ASIC2: variants seen among roughly 807,000 people sequenced by gnomAD.
ASIC2 encodes acid-sensing ion channel 2.
ASIC2 carries 25 observed loss-of-function variants against 57.3 expected under a neutral mutation model. The observed-to-expected ratio is 0.44, with a 90% confidence interval of 0.32 to 0.61. The LOEUF (loss-of-function observed/expected upper bound fraction) is 0.61, where lower values mean the gene tolerates loss of function less well. Among genes scored for constraint, ASIC2 ranks in the 20% least tolerant of loss-of-function variants. ASIC2 has a pLI of 0.06. For missense variants in ASIC2, 641 were observed against 738.1 expected, an observed-to-expected ratio of 0.87 and a Z score of 1.52; for synonymous variants, 319 against 307.5, an observed-to-expected ratio of 1.04 and a Z score of -0.39.
rs59769747 is a variant in ASIC2 at position 33,053,318 on chromosome 17, T to G, written c.988-24926A>C. On this transcript the variant is annotated intron_variant, in intron 3 of 9. Coordinates refer to ENST00000225823, the MANE Select transcript of ASIC2 (RefSeq NM_183377.2). The stretch of plus-strand genomic sequence containing the variant: ...CAATTCACCTCTGATATCTGTTGTA[T>G]GGGAATTTAGCTTATAACTTGAAGA... Among the ~76,000 whole-genome samples, 1,060 of 152,348 alleles carry G rather than the reference T, an allele frequency of 7.0e-3. 16 individuals carry two copies. The highest frequency in any genetic ancestry group is 0.025 in the African/African-American group (1,027 of 41,584).
intron 1 of ASIC2, among the ~76,000 whole-genome samples, chr17:33,426,133 T>C (rs1911212572): frequency 6.6e-6 from 1 of 152,098 alleles, no homozygotes; most frequent in Non-Finnish European, 1.5e-5. Context: ...TTTGTTTTTG[T>C]TGTTGTTGTT....
At chr17:33,379,833 G>T (rs937480247) in intron 1 of ASIC2, among the ~76,000 whole-genome samples, 1 of 152,204 alleles carries the variant, frequency 6.6e-6, no homozygotes, top group Non-Finnish European at 1.5e-5. Context: ...AACAAACCAA[G>T]CTCACTCTAT....
chr17:33,273,669 C>T lies in ASIC2; in HGVS notation c.708+17739G>A, dbSNP rs748497721. 4.6e-5 allele frequency among the ~76,000 whole-genome samples: 7 copies of T among 152,214 alleles called. No homozygotes were observed. The South Asian group carries it at 6.2e-4, about 14-fold the overall frequency. On this transcript the variant is annotated intron_variant, in intron 1 of 9. Transcript: ENST00000225823. ...CAGAAGCCATCCTCTCAATTCATTT[C>T]GCCCTCACAACTGCAAATACCACCA...
intron 1 of ASIC2, among the ~76,000 whole-genome samples, chr17:33,457,581 T>A (rs1456726229): frequency 2.0e-5 from 3 of 152,274 alleles, no homozygotes; most frequent in Admixed American, 2.0e-4. Context: ...CCCTGCCCTC[T>A]AGGAGTTTAG....
intron 1 of ASIC2, among the ~76,000 whole-genome samples, chr17:33,184,975 C>G (rs1567776926): frequency 6.6e-6 from 1 of 152,140 alleles, no homozygotes; most frequent in Non-Finnish European, 1.5e-5. Flanking sequence ...GTAATCAACC[C>G]TATCACTCCT....
chr17:33,829,571 A>C (rs1913041971), intron 1 of ASIC2, among the ~76,000 whole-genome samples: 1 of 150,584 alleles, frequency 6.6e-6, no homozygotes. Flanking sequence ...ACATTATGTT[A>C]AACTTTTCTT....
intron 1 of ASIC2, among the ~76,000 whole-genome samples, chr17:34,030,808 A>C (rs950000435): frequency 6.6e-6 from 1 of 152,126 alleles, no homozygotes; most frequent in African/African-American, 2.4e-5. Flanking sequence ...AGGCTGGGGG[A>C]GGGGCACCCG....
intron 1 of ASIC2, among the ~76,000 whole-genome samples, chr17:33,127,462 C>A (rs1023316561): frequency 2.6e-5 from 4 of 152,110 alleles, no homozygotes; most frequent in Admixed American, 6.5e-5. Flanking sequence ...TCTTGAGTAC[C>A]AATTCCGTCC....
chr17:34,130,393 C>T (rs116342655), intron 1 of ASIC2, among the ~76,000 whole-genome samples: 4 of 152,270 alleles, frequency 2.6e-5, no homozygotes, highest in Non-Finnish European at 4.4e-5. Flanking sequence ...ATTTTGAATC[C>T]GTATAAATGG....
At chr17:33,192,759 A>G (rs1386914881) in intron 1 of ASIC2, among the ~76,000 whole-genome samples, 2 of 152,230 alleles carry the variant, frequency 1.3e-5, no homozygotes, top group African/African-American at 4.8e-5. Context: ...GCAATTTCTC[A>G]TAAGTACCCA....
In ASIC2 at chr17:33,015,964, C is replaced by T. The variant is rs1214082601; in HGVS notation, c.1590+7G>A. On this transcript the variant is annotated splice_region_variant and intron_variant, in intron 9 of 9. Transcript: ENST00000225823. ...AGAACAACTTCCAATCAGTGAGCTG[C>T]TCTTACCACATTCTCATCGTGGCTC... 6.2e-7 allele frequency: 1 copy of T among 1,614,094 alleles called. No individual in the cohort carries two copies. The highest frequency in any genetic ancestry group is 2.2e-5 in the East Asian group (1 of 44,890).
chr17:33,216,183 T>G (rs867640138), intron 1 of ASIC2, among the ~76,000 whole-genome samples: 1 of 152,226 alleles, frequency 6.6e-6, no homozygotes. Flanking sequence ...GACCATTGAT[T>G]GGCAGTAGTT....
rs143893564 is a variant in ASIC2, at chr17:33,803,458, G to C, written c.555+352520C>G. Among the ~76,000 whole-genome samples the C allele has an allele frequency of 1.9e-3, 285 of 152,210 alleles. 7 individuals are homozygous for C. In the East Asian group the frequency reaches 0.043, roughly 23 times the overall value. Reference sequence around the variant, plus strand: ...ATAATAAATGGCAAGAGAACCCTAAGAGTGTACCCCAGGGCATGGCAGTTC... The same window carrying C: ...ATAATAAATGGCAAGAGAACCCTAACAGTGTACCCCAGGGCATGGCAGTTC... On this transcript the variant is annotated intron_variant, in intron 1 of 9. Coordinates refer to the ASIC2 transcript ENST00000359872.
At chr17:33,192,569 C>A (rs927142918) in intron 1 of ASIC2, among the ~76,000 whole-genome samples, 1 of 152,218 alleles carries the variant, frequency 6.6e-6, no homozygotes, top group African/African-American at 2.4e-5. Flanking sequence ...GGTGTGGCTG[C>A]TCTAAGATCC....
At chr17:34,010,770 C>T (rs1238043403) in intron 1 of ASIC2, among the ~76,000 whole-genome samples, 1 of 151,682 alleles carries the variant, frequency 6.6e-6, no homozygotes, top group Non-Finnish European at 1.5e-5. Flanking sequence ...TAGATACACA[C>T]ACAGACACAC....
chr17:33,816,128 G>A (rs994229733), intron 1 of ASIC2, among the ~76,000 whole-genome samples: 2 of 126,148 alleles, frequency 1.6e-5, no homozygotes, highest in African/African-American at 5.9e-5. Flanking sequence ...TCCAGAGCAG[G>A]TGACACATGA....
chr17:33,428,190 A>AT (rs1159284496), intron 1 of ASIC2, among the ~76,000 whole-genome samples: 2 of 152,224 alleles, frequency 1.3e-5, no homozygotes, highest in African/African-American at 4.8e-5. Context: ...GTTTTAAGTC[A>AT]TTTTTTTGGA....
intron 1 of ASIC2, among the ~76,000 whole-genome samples, chr17:33,740,228 G>T (rs1265488153): frequency 1.3e-5 from 2 of 152,226 alleles, no homozygotes; most frequent in Non-Finnish European, 2.9e-5. Flanking sequence ...ATGATATATA[G>T]TTTGGGTACA....
intron 1 of ASIC2, among the ~76,000 whole-genome samples, chr17:33,751,446 G>C (rs773522150): frequency 2.0e-5 from 3 of 152,134 alleles, no homozygotes; most frequent in African/African-American, 7.2e-5. Flanking sequence ...GATATAGAAA[G>C]GTCTTTGGAA....
Sources: allele counts gnomAD v4.1 joint callset (sites outside exome capture counted in the v4.1 genomes callset), GRCh38; gene constraint gnomAD v4.1.1; transcripts MANE v1.5; gene names NCBI Gene and HGNC (gene_info 2026-07-23, HGNC 2026-07-21).